The following GLRA2 variants were observed in gnomAD, a reference collection of about 807,000 sequenced individuals.
GLRA2 encodes glycine receptor alpha 2.
GLRA2 carries 11 observed loss-of-function variants against 31.6 expected under a neutral mutation model. That is an observed-to-expected ratio of 0.35 (90% CI 0.22 to 0.58). The LOEUF (loss-of-function observed/expected upper bound fraction) is 0.58, where lower values mean the gene tolerates loss of function less well. Among genes scored for constraint, GLRA2 ranks in the 20% least tolerant of loss-of-function variants. The pLI, the probability that GLRA2 is intolerant of heterozygous loss-of-function variation, is 0.84. For missense variants in GLRA2, 212 were observed against 351.8 expected (o/e 0.60, Z 3.18); for synonymous variants, 132 against 134.0 (o/e 0.99, Z 0.10).
chrX:14,558,123 T>C (rs998594631), intron 2 of GLRA2, among the ~76,000 whole-genome samples: 4 of 112,070 alleles, frequency 3.6e-5, no homozygotes, highest in Non-Finnish European at 5.6e-5. Flanking sequence ...AAGATCTAAG[T>C]TGTAGTCTCC....
At chrX:14,615,950 C>T (rs987957480) in intron 7 of GLRA2, among the ~76,000 whole-genome samples, 1 of 111,250 alleles carries the variant, frequency 9.0e-6, no homozygotes, top group Non-Finnish European at 1.9e-5. Context: ...TGTGTTTCAT[C>T]GGTATCTTTC....
chrX:14,613,536 T>C (rs1386635596), intron 7 of GLRA2, among the ~76,000 whole-genome samples: 1 of 111,720 alleles, frequency 9.0e-6, no homozygotes, highest in African/African-American at 3.2e-5. Flanking sequence ...ATATTTGCAT[T>C]GTATTGGGTA....
chrX:14,683,920 G>T (rs1428215142), intron 7 of GLRA2, among the ~76,000 whole-genome samples: 1 of 110,705 alleles, frequency 9.0e-6, no homozygotes, highest in African/African-American at 3.3e-5. Context: ...AGCAGAATCA[G>T]TAGGGCCATG....
rs200271431 is a variant in GLRA2 at position 14,679,089 on chromosome X, G to A, written c.931-11621G>A. ...GAATATAGCCAGTCTCTGTTATAGC[G>A]CTCAACATACACACCACCACCACCA... On this transcript the variant is annotated intron_variant, in intron 7 of 8. Coordinates refer to ENST00000218075, the MANE Select transcript of GLRA2 (RefSeq NM_002063.4). Among the ~76,000 whole-genome samples the A allele has an allele frequency of 1.5e-4, 17 of 110,480 alleles. No homozygotes were observed. In the East Asian group the frequency reaches 4.5e-3, roughly 29 times the overall value.
intron 7 of GLRA2, among the ~76,000 whole-genome samples, chrX:14,614,044 G>A: frequency 8.9e-6 from 1 of 111,781 alleles, no homozygotes; most frequent in East Asian, 2.8e-4. Flanking sequence ...ACAATTCAAT[G>A]CTCTTTTCTT....
chrX:14,724,619 T>C (rs1601900017), intron 8 of GLRA2, among the ~76,000 whole-genome samples: 2 of 38,472 alleles, frequency 5.2e-5, no homozygotes, highest in Non-Finnish European at 8.1e-5. Flanking sequence ...AAAGCAAAAC[T>C]CTGTCTCAAA....
At chrX:14,561,534 G>A (rs1176924186) in intron 2 of GLRA2, among the ~76,000 whole-genome samples, 1 of 112,306 alleles carries the variant, frequency 8.9e-6, no homozygotes, top group Non-Finnish European at 1.9e-5. Flanking sequence ...CAGAGGCCTT[G>A]TGGCCCACAA....
chrX:14,653,210 T>C (rs773250953), intron 7 of GLRA2, among the ~76,000 whole-genome samples: 5 of 111,990 alleles, frequency 4.5e-5, no homozygotes, highest in African/African-American at 1.3e-4. Context: ...TATTTTCAAC[T>C]TTCAATTCTT....
chrX:14,609,082 A>T lies in GLRA2; in HGVS notation c.807A>T (p.Val269=), dbSNP rs778686751. 1.0e-5 allele frequency: 12 copies of T among 1,176,283 alleles called. No individual in the cohort carries two copies. In the South Asian group the frequency reaches 2.1e-4, roughly 21 times the overall value. The part of the protein sequence containing the change: ...IQMYIPSLLI[V]ILSWVSFWIN... ...TGTACATCCCAAGCCTGCTTATAGT[A>T]ATTTTGTCCTGGGTTTCCTTTTGGA... Residue 269 remains valine, a synonymous_variant, in exon 7 of 9, where the codon GTA becomes GTT. Transcript: ENST00000218075.
intron 7 of GLRA2, among the ~76,000 whole-genome samples, chrX:14,678,891 C>T (rs943347224): frequency 2.9e-4 from 32 of 111,069 alleles, no homozygotes; most frequent in African/African-American, 9.2e-4. Context: ...TTCCATCTTA[C>T]GGCACTGCCA....
chrX:14,497,505 G>A, the GLRA2 span, among the ~76,000 whole-genome samples: 5 of 110,948 alleles, frequency 4.5e-5, no homozygotes, highest in African/African-American at 1.3e-4. Flanking sequence ...GACAGAGAAG[G>A]GTACAAAATG....
chrX:14,699,616 C>T lies in GLRA2; in HGVS notation c.1080+8757C>T, dbSNP rs1021899339. 3.6e-5 allele frequency among the ~76,000 whole-genome samples: 4 copies of T among 111,623 alleles called. No homozygotes were observed. The Admixed American group carries it at 3.8e-4, about 11-fold the overall frequency. On this transcript the variant is annotated intron_variant, in intron 8 of 8. Transcript: ENST00000218075. ...TCTAGATATTTTGAAATATACAATA[C>T]ATTATCATTAACGATTTTCACCCAA...
At chrX:14,512,888 A>G in the GLRA2 span, among the ~76,000 whole-genome samples, 2 of 111,534 alleles carry the variant, frequency 1.8e-5, no homozygotes, top group Non-Finnish European at 1.9e-5. Context: ...TACCACCATC[A>G]TTCTCAGAAC....
intron 8 of GLRA2, 90 bp from the exon 9 acceptor site, chrX:14,730,117 T>C (rs1030869510): frequency 1.5e-5 from 10 of 689,200 alleles, no homozygotes; most frequent in Non-Finnish European, 2.3e-5. Flanking sequence ...TTAACTGTGA[T>C]TTATCCTTTT....
At chrX:14,580,545 C>T (rs1477017569) in intron 3 of GLRA2, among the ~76,000 whole-genome samples, 2 of 112,159 alleles carry the variant, frequency 1.8e-5, no homozygotes, top group African/African-American at 6.5e-5. Flanking sequence ...TGATTGAGAA[C>T]GTGAAACATC....
the GLRA2 span, among the ~76,000 whole-genome samples, chrX:14,516,481 C>G: frequency 2.7e-5 from 3 of 111,162 alleles, no homozygotes; most frequent in Non-Finnish European, 5.7e-5. Flanking sequence ...TCATAGAACT[C>G]TCTCTGCAAA....
At chrX:14,514,561 C>A in the GLRA2 span, among the ~76,000 whole-genome samples, 2 of 111,268 alleles carry the variant, frequency 1.8e-5, no homozygotes, top group African/African-American at 6.5e-5. Context: ...CTCTGAGAAC[C>A]TGTTTCTCTA....
the GLRA2 span, among the ~76,000 whole-genome samples, chrX:14,473,129 C>T: frequency 9.0e-6 from 1 of 111,516 alleles, no homozygotes; most frequent in East Asian, 2.8e-4. Flanking sequence ...GGGAAAGTTG[C>T]GTGTACTAGT....
chrX:14,524,371 A>G (rs2089181022), upstream of GLRA2, among the ~76,000 whole-genome samples: 1 of 111,842 alleles, frequency 8.9e-6, no homozygotes, highest in Admixed American at 9.5e-5. Flanking sequence ...TAGTGAGAAG[A>G]GAGTCTATTT....
Sources: allele counts gnomAD v4.1 joint callset (sites outside exome capture counted in the v4.1 genomes callset), GRCh38; gene constraint gnomAD v4.1.1; transcripts MANE v1.5; gene names NCBI Gene and HGNC (gene_info 2026-07-23, HGNC 2026-07-21).